Variants in SYNPR observed in about 807,000 individuals in gnomAD.
SYNPR encodes the protein synaptoporin.
SYNPR carries 23 observed loss-of-function variants against 32.9 expected under a neutral mutation model. The ratio of observed to expected loss-of-function variants is 0.70; its 90% CI spans 0.50 to 0.99. SYNPR has a LOEUF of 0.99. SYNPR is among the 50% of genes least tolerant of loss of function. SYNPR has a pLI of 0.00. For synonymous variants in SYNPR, 146 were observed against 135.9 expected (o/e 1.07, Z -0.52); for missense variants, 318 against 349.3 (o/e 0.91, Z 0.71).
chr3:63,547,194 A>G (rs1378855598), intron 3 of SYNPR, among the ~76,000 whole-genome samples: 1 of 152,048 alleles, frequency 6.6e-6, no homozygotes, highest in Non-Finnish European at 1.5e-5. Flanking sequence ...GATATCTTAG[A>G]TAGATTGATC....
At chr3:63,295,107 T>TA (rs1280411847) in intron 2 of SYNPR, among the ~76,000 whole-genome samples, 1 of 152,030 alleles carries the variant, frequency 6.6e-6, no homozygotes, top group African/African-American at 2.4e-5. Flanking sequence ...TCTCAGATCA[T>TA]ATTCCTGACC....
intron 2 of SYNPR, among the ~76,000 whole-genome samples, chr3:63,437,202 C>T (rs1160253227): frequency 6.6e-6 from 1 of 152,164 alleles, no homozygotes; most frequent in African/African-American, 2.4e-5. Context: ...ATGAACAGCT[C>T]TTTCCTCTAG....
At chr3:63,227,655 G>C (rs1430921282), upstream of SYNPR, among the ~76,000 whole-genome samples, 1 of 152,192 alleles carries the variant, frequency 6.6e-6, no homozygotes, top group Non-Finnish European at 1.5e-5. Flanking sequence ...TGAAATAACT[G>C]CTCTATCTAC....
intron 1 of SYNPR, among the ~76,000 whole-genome samples, chr3:63,235,930 G>A (rs2086197518): frequency 6.6e-6 from 1 of 151,716 alleles, no homozygotes; most frequent in Non-Finnish European, 1.5e-5. Context: ...TTAAGTCTAG[G>A]AACATTTTAC....
chr3:63,262,044 T>G (rs929763864), intron 2 of SYNPR, among the ~76,000 whole-genome samples: 1 of 151,294 alleles, frequency 6.6e-6, no homozygotes, highest in African/African-American at 2.4e-5. Flanking sequence ...AAAAACAAAC[T>G]CATGACTTCT....
At chr3:63,555,474 C>T (rs1702580355) in intron 3 of SYNPR, among the ~76,000 whole-genome samples, 1 of 151,984 alleles carries the variant, frequency 6.6e-6, no homozygotes, top group East Asian at 1.9e-4. Context: ...TAGTTCACGA[C>T]TTAGTTCCAG....
intron 3 of SYNPR, among the ~76,000 whole-genome samples, chr3:63,498,594 A>G (rs2106731530): frequency 6.6e-6 from 1 of 152,288 alleles, no homozygotes; most frequent in East Asian, 1.9e-4. Context: ...GAACGATTGC[A>G]AAGATCTGGA....
At chr3:63,473,823 A>C (rs943987549) in intron 2 of SYNPR, among the ~76,000 whole-genome samples, 10 of 152,178 alleles carry the variant, frequency 6.6e-5, no homozygotes, top group African/African-American at 2.4e-4. Flanking sequence ...GAGAGACTAG[A>C]ATGCGGTAAG....
At chr3:63,476,111 G>GAGGAAGGAAGGAAGGA (rs765639648) in intron 2 of SYNPR, among the ~76,000 whole-genome samples, 3 of 67,776 alleles carry the variant, frequency 4.4e-5, no homozygotes, top group East Asian at 4.1e-4. Context: ...AGGGAGGGGG[G>GAGGAAGGAAGGAAGGA]AGGAAGGAAG....
chr3:63,614,221 G>A (rs769560015), intron 5 of SYNPR, among the ~76,000 whole-genome samples: 10 of 152,212 alleles, frequency 6.6e-5, no homozygotes, highest in African/African-American at 7.2e-5. Context: ...ACAGCTTTGC[G>A]TTATACTACT....
intron 2 of SYNPR, among the ~76,000 whole-genome samples, chr3:63,450,830 A>G (rs1389135181): frequency 1.3e-5 from 2 of 152,174 alleles, no homozygotes; most frequent in Non-Finnish European, 2.9e-5. Flanking sequence ...GTGGGCCCAT[A>G]TCCTTGATCT....
chr3:63,206,404 G>T, the SYNPR span, among the ~76,000 whole-genome samples: 1 of 152,020 alleles, frequency 6.6e-6, no homozygotes, highest in Non-Finnish European at 1.5e-5. Flanking sequence ...CTTGTGGTGA[G>T]GAGTTAGAGA....
At chr3:63,524,658 G>A (rs900016670) in intron 3 of SYNPR, among the ~76,000 whole-genome samples, 1 of 152,124 alleles carries the variant, frequency 6.6e-6, no homozygotes, top group Non-Finnish European at 1.5e-5. Flanking sequence ...ACACTGAGGG[G>A]TGTCATCCTC....
chr3:63,557,447 C>T (rs923578567), intron 4 of SYNPR, among the ~76,000 whole-genome samples: 10 of 152,096 alleles, frequency 6.6e-5, no homozygotes, highest in African/African-American at 2.4e-4. Context: ...TCCTTATTTA[C>T]CAACTCAAGT....
intron 2 of SYNPR, among the ~76,000 whole-genome samples, chr3:63,368,113 A>G (rs2087749723): frequency 6.6e-6 from 1 of 152,166 alleles, no homozygotes; most frequent in African/African-American, 2.4e-5. Flanking sequence ...GTTTAGAAGG[A>G]GGATTTATAG....
chr3:63,279,591 G>T (rs961917374), intron 2 of SYNPR, among the ~76,000 whole-genome samples: 2 of 152,178 alleles, frequency 1.3e-5, no homozygotes, highest in African/African-American at 4.8e-5. Context: ...GAAATCTGCA[G>T]GTCACACGTT....
chr3:63,245,710 AGTGT>A (rs1159947180), intron 1 of SYNPR, among the ~76,000 whole-genome samples: 92 of 44,232 alleles, frequency 2.1e-3, no homozygotes, highest in East Asian at 0.011. Context: ...AGAGAGAGAG[AGTGT>A]GTGTGTGTGT....
chr3:63,547,093 C>T (rs996592925), intron 3 of SYNPR, among the ~76,000 whole-genome samples: 21 of 152,122 alleles, frequency 1.4e-4, no homozygotes, highest in Admixed American at 1.2e-3. Context: ...CTGAGGTTCT[C>T]CTAGAAAAAT....
chr3:63,202,296 C>G, the SYNPR span, among the ~76,000 whole-genome samples: 1 of 152,164 alleles, frequency 6.6e-6, no homozygotes, highest in Non-Finnish European at 1.5e-5. Flanking sequence ...ATATGTTTCA[C>G]ATCACATTTG....
Sources: allele counts gnomAD v4.1 joint callset (sites outside exome capture counted in the v4.1 genomes callset), GRCh38; gene constraint gnomAD v4.1.1; transcripts MANE v1.5; gene names NCBI Gene and HGNC (gene_info 2026-07-23, HGNC 2026-07-21).